Variants in ADGRL2 observed in about 807,000 individuals in gnomAD.
ADGRL2 encodes adhesion G protein-coupled receptor L2.
Under a neutral mutation model 157.4 loss-of-function variants are expected in ADGRL2, and 44 were observed. That is an observed-to-expected ratio of 0.28 (90% CI 0.22 to 0.36). ADGRL2 has a LOEUF of 0.36. Ranked by LOEUF, ADGRL2 falls within the 10% of genes least tolerant of loss-of-function variation. The pLI is 1.00. For missense variants in ADGRL2, 1,510 were observed against 1,768.9 expected, an observed-to-expected ratio of 0.85 and a Z score of 2.63; for synonymous variants, 585 against 624.7, an observed-to-expected ratio of 0.94 and a Z score of 0.95.
intron 3 of ADGRL2, among the ~76,000 whole-genome samples, chr1:81,919,054 C>A (rs528825790): frequency 2.6e-5 from 4 of 152,210 alleles, no homozygotes; most frequent in African/African-American, 9.6e-5. Context: ...AAGAAGTTGG[C>A]ATAGCATTCC....
intron 3 of ADGRL2, among the ~76,000 whole-genome samples, chr1:81,690,919 C>T (rs995801471): frequency 1.3e-5 from 2 of 152,216 alleles, no homozygotes; most frequent in Non-Finnish European, 2.9e-5. Context: ...GCCTCAGCTA[C>T]AGCTGCAGAA....
At chr1:81,350,753 G>A (rs1662820943) in intron 1 of ADGRL2, among the ~76,000 whole-genome samples, 1 of 152,130 alleles carries the variant, frequency 6.6e-6, no homozygotes, top group East Asian at 1.9e-4. Context: ...TTTTTTACAT[G>A]TAGGCATTTG....
At chr1:81,480,751 A>G (rs1476838702) in intron 2 of ADGRL2, among the ~76,000 whole-genome samples, 1 of 152,226 alleles carries the variant, frequency 6.6e-6, no homozygotes, top group Non-Finnish European at 1.5e-5. Flanking sequence ...TCTAGTTTTC[A>G]TTAAACCTGT....
chr1:81,952,042 C>T lies in ADGRL2; in HGVS notation c.1694C>T (p.Ser565Phe), dbSNP rs755801633. ...CCAGTGTTTGCTGGGGATGTAAGTT[C>T]TTCAGTGAGATTGATGGAGCAGTTG... Reference protein sequence around the residue: ...KGPVFAGDVSSSVRLMEQLVD... With the variant: ...KGPVFAGDVSFSVRLMEQLVD... Residue 565 changes from serine (S) to phenylalanine (F), a missense_variant, in exon 9 of 24, where the codon TCT becomes TTT. This residue lies in a region of ADGRL2 where 325 missense variants were observed against 333.2 expected (regional missense o/e 0.98). Coordinates refer to ENST00000686636, the MANE Select transcript of ADGRL2 (RefSeq NM_001366006.2). The T allele has an allele frequency of 1.3e-5, 21 of 1,613,680 alleles. No individual in the cohort carries two copies. The highest frequency in any genetic ancestry group is 1.6e-5 in the Non-Finnish European group (19 of 1,179,752).
At chr1:81,733,784 T>A (rs2084805113) in intron 1 of ADGRL2, among the ~76,000 whole-genome samples, 1 of 152,070 alleles carries the variant, frequency 6.6e-6, no homozygotes, top group African/African-American at 2.4e-5. Context: ...GCTAAATGAT[T>A]TGAACACAGG....
At chr1:81,757,365 T>G (rs2085727584) in intron 1 of ADGRL2, among the ~76,000 whole-genome samples, 1 of 152,180 alleles carries the variant, frequency 6.6e-6, no homozygotes, top group African/African-American at 2.4e-5. Context: ...TTTGAATCCT[T>G]GTGGATGAAT....
chr1:81,917,826 C>G (rs527560296), intron 3 of ADGRL2, among the ~76,000 whole-genome samples: 1 of 142,014 alleles, frequency 7.0e-6, no homozygotes, highest in South Asian at 2.2e-4. Context: ...GGAAATCTTA[C>G]TCTGTCTCTA....
At chr1:81,670,777 C>T (rs1352980481) in intron 3 of ADGRL2, among the ~76,000 whole-genome samples, 4 of 152,164 alleles carry the variant, frequency 2.6e-5, no homozygotes, top group South Asian at 2.1e-4. Context: ...TGCAATGGCA[C>T]GATCTTGGGT....
intron 1 of ADGRL2, among the ~76,000 whole-genome samples, chr1:81,405,370 G>A (rs2076834491): frequency 6.6e-6 from 1 of 152,094 alleles, no homozygotes; most frequent in South Asian, 2.1e-4. Flanking sequence ...ATGTGATATT[G>A]GAAAATACTA....
intron 3 of ADGRL2, among the ~76,000 whole-genome samples, chr1:81,664,049 T>G (rs1326027844): frequency 6.6e-6 from 1 of 152,182 alleles, no homozygotes; most frequent in African/African-American, 2.4e-5. Context: ...TTATAAAATA[T>G]CTCAGCTGTC....
intron 1 of ADGRL2, among the ~76,000 whole-genome samples, chr1:81,444,155 C>G (rs2101695319): frequency 6.6e-6 from 1 of 152,264 alleles, no homozygotes; most frequent in East Asian, 1.9e-4. Context: ...ATTTACTTTG[C>G]CTTAGGAAAT....
chr1:81,411,532 A>G (rs932374530), intron 1 of ADGRL2, among the ~76,000 whole-genome samples: 5 of 152,232 alleles, frequency 3.3e-5, no homozygotes, highest in Admixed American at 3.3e-4. Context: ...TAGCAAAGAC[A>G]GAATTTGAAC....
At chr1:81,700,899 C>G (rs1362506139) in intron 1 of ADGRL2, among the ~76,000 whole-genome samples, 1 of 152,198 alleles carries the variant, frequency 6.6e-6, no homozygotes, top group Admixed American at 6.5e-5. Flanking sequence ...TTTGCAGTCA[C>G]AGAAAAATCA....
chr1:81,679,462 G>C (rs1317484312), intron 3 of ADGRL2, among the ~76,000 whole-genome samples: 1 of 151,352 alleles, frequency 6.6e-6, no homozygotes. Context: ...TAAATTAATA[G>C]TTCTTCCATT....
chr1:81,608,758 C>G (rs1401527290), intron 3 of ADGRL2, among the ~76,000 whole-genome samples: 1 of 152,320 alleles, frequency 6.6e-6, no homozygotes, highest in Middle Eastern at 3.4e-3. Flanking sequence ...CATTAGCTGA[C>G]TTTCCTTCTA....
intron 3 of ADGRL2, among the ~76,000 whole-genome samples, chr1:81,932,646 G>C (rs1306252792): frequency 6.6e-6 from 1 of 152,134 alleles, no homozygotes; most frequent in East Asian, 1.9e-4. Flanking sequence ...TCCACTTCCA[G>C]AGTTTCTGAA....
chr1:81,928,192 G>A (rs2095152421), intron 3 of ADGRL2, among the ~76,000 whole-genome samples: 1 of 152,090 alleles, frequency 6.6e-6, no homozygotes, highest in African/African-American at 2.4e-5. Flanking sequence ...GAATTTGCTA[G>A]TGTATATGGA....
Position 81,421,427 on chromosome 1 carries a change from G to A in ADGRL2, c.-301-23609G>A, listed in dbSNP as rs116014208. 7.1e-3 allele frequency among the ~76,000 whole-genome samples: 1,077 copies of A among 152,276 alleles called. 12 individuals are homozygous for A. The highest frequency in any genetic ancestry group is 0.024 in the African/African-American group (980 of 41,558). ...AGACCCTTTCATCGACTTGCATTAG[G>A]CAGCAGAATAATCTCAAGTGGCAAT... is the stretch of plus-strand genomic sequence containing the variant. On this transcript the variant is annotated intron_variant, in intron 1 of 24. Transcript: ENST00000370721.
At chr1:81,546,642 A>G (rs1218083833) in intron 2 of ADGRL2, among the ~76,000 whole-genome samples, 1 of 152,152 alleles carries the variant, frequency 6.6e-6, no homozygotes, top group Non-Finnish European at 1.5e-5. Flanking sequence ...TTTCTGTTAC[A>G]TTGTTGATTC....
Sources: gnomAD v4.1 joint callset for allele counts (sites outside exome capture counted in the v4.1 genomes callset) on GRCh38, gnomAD v4.1.1 for gene constraint, gnomAD v4.1.1 regional missense constraint, MANE v1.5 for transcripts, NCBI Gene and HGNC (gene_info 2026-07-23, HGNC 2026-07-21) for gene names.